The following LRMDA variants were observed in gnomAD, a reference collection of about 807,000 sequenced individuals.
LRMDA encodes the protein leucine rich melanocyte differentiation associated, also known as leucine-rich melanocyte differentiation-associated protein.
A neutral mutation model predicts 29.8 loss-of-function variants in LRMDA; 18 were observed. The observed-to-expected ratio is 0.60, with a 90% CI of 0.42 to 0.90. LRMDA has a LOEUF of 0.90. Among genes scored for constraint, LRMDA ranks in the 40% least tolerant of loss-of-function variants. The probability of loss-of-function intolerance (pLI) is 0.00; values close to 1 mark genes in which losing one functional copy is unlikely to be tolerated. For synonymous variants in LRMDA, 125 were observed against 109.4 expected (o/e 1.14, Z -0.89); for missense variants, 273 against 273.9 (o/e 1.00, Z 0.02).
chr10:75,660,378 C>T (rs1462012184), intron 2 of LRMDA, among the ~76,000 whole-genome samples: 1 of 152,140 alleles, frequency 6.6e-6, no homozygotes, highest in Non-Finnish European at 1.5e-5. Flanking sequence ...TAAAAGAACA[C>T]CAGGGCTGAT....
At chr10:75,896,937 G>A (rs914588795) in intron 2 of LRMDA, among the ~76,000 whole-genome samples, 1 of 151,804 alleles carries the variant, frequency 6.6e-6, no homozygotes, top group East Asian at 1.9e-4. Flanking sequence ...TTTTTTGGTT[G>A]TAAAGTTGAA....
At chr10:75,714,877 T>C in intron 2 of LRMDA, among the ~76,000 whole-genome samples, 1 of 137,246 alleles carries the variant, frequency 7.3e-6, no homozygotes, top group Non-Finnish European at 1.6e-5. Context: ...CTTCCTTCCT[T>C]CCTTCTTTCC....
intron 5 of LRMDA, among the ~76,000 whole-genome samples, chr10:76,196,329 G>C (rs180681068): frequency 6.6e-5 from 10 of 152,314 alleles, no homozygotes; most frequent in Admixed American, 4.6e-4. Context: ...TCAATATTAG[G>C]ACCTGGTGTG....
chr10:76,533,872 A>T (rs1843263446), intron 6 of LRMDA, among the ~76,000 whole-genome samples: 1 of 152,206 alleles, frequency 6.6e-6, no homozygotes, highest in African/African-American at 2.4e-5. Flanking sequence ...CAAAGCATAA[A>T]TCCTTAACAT....
At chr10:75,738,103 C>T (rs944466481) in intron 2 of LRMDA, among the ~76,000 whole-genome samples, 8 of 152,178 alleles carry the variant, frequency 5.3e-5, no homozygotes, top group Admixed American at 2.0e-4. Context: ...ATTCATCAAA[C>T]GCAGCCCCTT....
At chr10:75,985,386 C>G (rs1436233262) in intron 2 of LRMDA, among the ~76,000 whole-genome samples, 2 of 152,184 alleles carry the variant, frequency 1.3e-5, no homozygotes, top group East Asian at 3.9e-4. Flanking sequence ...CCAGGCCTGA[C>G]TAGAGCCACA....
At chr10:76,467,369 G>T (rs1389510026) in intron 6 of LRMDA, among the ~76,000 whole-genome samples, 1 of 152,216 alleles carries the variant, frequency 6.6e-6, no homozygotes. Context: ...ACAGTTAACA[G>T]TAGCATCTGC....
At chr10:76,388,450 TG>T (rs1404809201) in intron 6 of LRMDA, among the ~76,000 whole-genome samples, 2 of 152,232 alleles carry the variant, frequency 1.3e-5, no homozygotes, top group African/African-American at 4.8e-5. Flanking sequence ...TACATTCATC[TG>T]TTTGGGCTAG....
intron 6 of LRMDA, among the ~76,000 whole-genome samples, chr10:76,423,808 G>A (rs763852760): frequency 9.2e-5 from 14 of 152,116 alleles, no homozygotes; most frequent in Admixed American, 6.5e-4. Flanking sequence ...CTAATCAACC[G>A]AGGAGGTGTT....
chr10:76,151,295 G>A (rs1300256963), intron 5 of LRMDA, among the ~76,000 whole-genome samples: 2 of 152,102 alleles, frequency 1.3e-5, no homozygotes, highest in Non-Finnish European at 2.9e-5. Context: ...AAACAGTTAT[G>A]CGGCTTGCTA....
At chr10:75,691,228 ATGTG>A (rs951387569) in intron 2 of LRMDA, among the ~76,000 whole-genome samples, 24 of 139,092 alleles carry the variant, frequency 1.7e-4, no homozygotes, top group Non-Finnish European at 2.8e-4. Context: ...ATACACATAT[ATGTG>A]TGTGTGTGTG....
chr10:75,949,193 G>A (rs1416557743), intron 2 of LRMDA, among the ~76,000 whole-genome samples: 1 of 152,132 alleles, frequency 6.6e-6, no homozygotes, highest in Non-Finnish European at 1.5e-5. Flanking sequence ...GTTTAGGAGG[G>A]GTGTCCTGGA....
intron 5 of LRMDA, among the ~76,000 whole-genome samples, chr10:76,137,653 TGCTATA>T (rs1189261935): frequency 1.3e-5 from 2 of 152,062 alleles, no homozygotes; most frequent in Admixed American, 1.3e-4. Flanking sequence ...ATGGAGTTTA[TGCTATA>T]GCCAGATGTC....
chr10:76,441,682 G>T (rs558117426), intron 6 of LRMDA, among the ~76,000 whole-genome samples: 1 of 152,170 alleles, frequency 6.6e-6, no homozygotes, highest in Non-Finnish European at 1.5e-5. Context: ...GGATGTGGAT[G>T]TGCGAGGCTC....
At chr10:75,560,192 A>G (rs1475623104) in intron 2 of LRMDA, among the ~76,000 whole-genome samples, 2 of 151,866 alleles carry the variant, frequency 1.3e-5, no homozygotes, top group Non-Finnish European at 2.9e-5. Context: ...ATTTGTTTGT[A>G]TCCTCTCTTA....
At chr10:76,511,338 G>C (rs1843007821) in intron 6 of LRMDA, among the ~76,000 whole-genome samples, 1 of 151,936 alleles carries the variant, frequency 6.6e-6, no homozygotes, top group South Asian at 2.1e-4. Flanking sequence ...TGACTTCTAT[G>C]CTAGTGCCAA....
At chr10:75,494,515 CTTTTTT>C (rs34902194) in intron 2 of LRMDA, among the ~76,000 whole-genome samples, 7 of 102,868 alleles carry the variant, frequency 6.8e-5, no homozygotes, top group Non-Finnish European at 1.3e-4. Flanking sequence ...ATGTTTGTTC[CTTTTTT>C]TTTTTTTTTT....
intron 2 of LRMDA, among the ~76,000 whole-genome samples, chr10:75,925,608 G>GATGGTGGCAGTGATGGTGGTA (rs1846107534): frequency 2.0e-5 from 3 of 149,002 alleles, no homozygotes; most frequent in Admixed American, 2.0e-4. Context: ...GGAAGAAGGT[G>GATGGTGGCAGTGATGGTGGTA]ATGGTGGCAG....
intron 2 of LRMDA, among the ~76,000 whole-genome samples, chr10:75,503,413 G>A (rs893153551): frequency 4.0e-5 from 6 of 151,740 alleles, no homozygotes; most frequent in Admixed American, 3.9e-4. Context: ...AAAAATATGG[G>A]GATTCAAATG....
Sources: allele counts gnomAD v4.1 joint callset (sites outside exome capture counted in the v4.1 genomes callset), GRCh38; gene constraint gnomAD v4.1.1; transcripts MANE v1.5; gene names NCBI Gene and HGNC (gene_info 2026-07-23, HGNC 2026-07-21).